The following FKBP15 variants were observed in gnomAD, a reference collection of about 807,000 sequenced individuals.
The protein encoded by FKBP15 is FKBP prolyl isomerase family member 15, also known as FK506-binding protein 15.
A neutral mutation model predicts 158.1 loss-of-function variants in FKBP15; 106 were observed. That is an observed-to-expected ratio of 0.67 (90% CI 0.57 to 0.79). FKBP15 has a LOEUF of 0.79. Ranked by LOEUF, FKBP15 falls within the 30% of genes least tolerant of loss-of-function variation. The pLI, the probability that FKBP15 is intolerant of heterozygous loss-of-function variation, is 0.00. For synonymous variants in FKBP15, 547 were observed against 548.6 expected, an observed-to-expected ratio of 1.00 and a Z score of 0.04; for missense variants, 1,287 against 1,479.1, an observed-to-expected ratio of 0.87 and a Z score of 2.13.
chr9:113,173,489 ATC>A lies in FKBP15; in HGVS notation c.2494_2495del (p.Asp832CysfsTer28). 1 of 1,613,906 alleles carries A rather than the reference ATC, an allele frequency of 6.2e-7. No homozygotes were observed. The highest frequency in any genetic ancestry group is 8.5e-7 in the Non-Finnish European group (1 of 1,179,810). On this transcript the variant is annotated frameshift_variant, in exon 23 of 28. Transcript: ENST00000238256. LOFTEE classifies it high-confidence loss of function. The stretch of plus-strand genomic sequence containing the variant: ...GTTGTACCAGCTTCTGCTGGTAGGC[ATC>A]TCTCTGTGCGCACACCTCCTGGTAC... ...QQYQEVCAQR[D>X]AYQQKLVQLQ... is the part of the protein sequence containing the mutation.
Position 113,193,695 on chromosome 9 carries a change from T to C in FKBP15, c.1008-146A>G, listed in dbSNP as rs145319808. The stretch of plus-strand genomic sequence containing the variant: ...AATTTTAACTCTTCTTTAGTTTGCA[T>C]AATCTTTGAATGCTAGTAAAGATGA... On this transcript the variant is annotated intron_variant, in intron 10 of 27. Coordinates refer to ENST00000238256, the MANE Select transcript of FKBP15 (RefSeq NM_015258.2). 1.2e-4 allele frequency: 86 copies of C among 709,104 alleles called. 2 individuals are homozygous for C. The East Asian group carries it at 2.3e-3, about 19-fold the overall frequency. 43.9% of individuals were successfully genotyped at this position (709,104 alleles called of 1,614,324 possible).
chr9:113,162,736 C>G lies in FKBP15; in HGVS notation c.*3342G>C, dbSNP rs1160899708. On this transcript the variant is annotated 3_prime_UTR_variant, in exon 28 of 28. Coordinates refer to ENST00000238256, the MANE Select transcript of FKBP15 (RefSeq NM_015258.2). ...TCATTACCAGGATTAACTTGCTTCT[C>G]CTTTTTATCTAGGTGGTATTTGTGT... 1 of 1,605,336 alleles carries G rather than the reference C, an allele frequency of 6.2e-7. No individual in the cohort carries two copies. Among genetic ancestry groups the G allele is most frequent in the East Asian group, 2.2e-5 (1 of 44,644 alleles).
chr9:113,182,811 G>A lies in FKBP15; in HGVS notation c.1869C>T (p.Ala623=), dbSNP rs1227508780. 3 of 1,613,702 alleles carry A rather than the reference G, an allele frequency of 1.9e-6. No homozygotes were observed. Reference sequence around the variant, plus strand: ...ATACTCTTGCCTGTGTGTTTTCTGTGGCTGTCTGAAGTGAGTTGTTCCTCT... The same window carrying A: ...ATACTCTTGCCTGTGTGTTTTCTGTAGCTGTCTGAAGTGAGTTGTTCCTCT... ...MEKRNNSLQT[A]TENTQARVLH... is the part of the protein sequence containing the mutation. Residue 623 remains alanine, a synonymous_variant, in exon 19 of 28, where the codon GCC becomes GCT. Coordinates refer to ENST00000238256, the MANE Select transcript of FKBP15 (RefSeq NM_015258.2).
At chr9:113,173,639 G>T in intron 22 of FKBP15, 34 bp from the exon 23 acceptor site, 1 of 1,596,732 alleles carries the variant, frequency 6.3e-7, no homozygotes, top group South Asian at 1.1e-5. Context: ...TATCATCCTT[G>T]GGGGTGGGGG....
intron 7 of FKBP15, among the ~76,000 whole-genome samples, chr9:113,199,550 T>C (rs774186068): frequency 2.0e-5 from 3 of 152,168 alleles, no homozygotes; most frequent in African/African-American, 4.8e-5. Context: ...GGACAAGACA[T>C]ACACATGAAC....
chr9:113,221,090 C>G, intron 1 of FKBP15, 101 bp downstream of exon 1: 2 of 1,309,382 alleles, frequency 1.5e-6, no homozygotes, highest in Admixed American at 2.3e-5. Flanking sequence ...GGGTCTCCCC[C>G]CGGAAGTTGG....
intron 4 of FKBP15, among the ~76,000 whole-genome samples, chr9:113,204,845 T>C (rs1195866301): frequency 6.6e-6 from 1 of 152,254 alleles, no homozygotes; most frequent in Non-Finnish European, 1.5e-5. Flanking sequence ...TTTTAAATTC[T>C]CCATCTTTTC....
At chr9:113,173,349 T>C in intron 23 of FKBP15, 104 bp downstream of exon 23, 2 of 1,203,224 alleles carry the variant, frequency 1.7e-6, no homozygotes, top group Non-Finnish European at 2.3e-6. Flanking sequence ...GTCTTCTAGA[T>C]ATTAATAACT....
intron 9 of FKBP15, among the ~76,000 whole-genome samples, chr9:113,194,646 G>C (rs1162179768): frequency 1.3e-5 from 2 of 152,114 alleles, no homozygotes; most frequent in African/African-American, 4.8e-5. Flanking sequence ...ATCTGTGTCT[G>C]TATATACCTT....
rs1372501190 is a variant in FKBP15 at position 113,178,205 on chromosome 9, G to A, written c.2086+425C>T. Among the ~76,000 whole-genome samples the A allele has an allele frequency of 3.9e-5, 6 of 152,168 alleles. No homozygotes were observed. In the East Asian group the frequency reaches 9.7e-4, roughly 25 times the overall value. On this transcript the variant is annotated intron_variant, in intron 20 of 27. Transcript: ENST00000238256. ...GCCAGGATGAACTGGACAATATAAC[G>A]GGAGACAAGCCAAGCAGGATGGGCC...
intron 21 of FKBP15, among the ~76,000 whole-genome samples, chr9:113,175,331 C>A (rs1414751290): frequency 1.3e-5 from 2 of 151,810 alleles, no homozygotes; most frequent in African/African-American, 2.4e-5. Flanking sequence ...ATAGTAATGA[C>A]AAACTGAAAA....
intron 4 of FKBP15, among the ~76,000 whole-genome samples, chr9:113,205,324 G>A (rs941844108): frequency 6.6e-6 from 1 of 152,070 alleles, no homozygotes; most frequent in African/African-American, 2.4e-5. Flanking sequence ...ACAACAAAAA[G>A]ACAAACAATC....
rs368555848 is a variant in FKBP15, at chr9:113,173,500, C to T, written c.2485G>A (p.Ala829Thr). The change falls in exon 23 of 28, where the codon GCA (alanine) becomes ACA (threonine). Residue 829 changes from alanine to threonine, a missense_variant. Ala to Thr is a moderately conservative substitution (Grantham distance 58, BLOSUM62 0). Coordinates refer to ENST00000238256, the MANE Select transcript of FKBP15 (RefSeq NM_015258.2). ...EHLQQYQEVC[A>T]QRDAYQQKLV... is the part of the protein sequence containing the mutation. ...TTCTGCTGGTAGGCATCTCTCTGTGCGCACACCTCCTGGTACTGCTGCAGG... is the reference window on the plus strand; with the variant it reads ...TTCTGCTGGTAGGCATCTCTCTGTGTGCACACCTCCTGGTACTGCTGCAGG... The T allele has an allele frequency of 1.1e-5, 17 of 1,613,872 alleles. No homozygotes were observed. Among genetic ancestry groups the T allele is most frequent in the Admixed American group, 5.0e-5 (3 of 60,006 alleles).
chr9:113,211,165 GT>G (rs1350031772), intron 2 of FKBP15, among the ~76,000 whole-genome samples: 1 of 152,008 alleles, frequency 6.6e-6, no homozygotes, highest in African/African-American at 2.4e-5. Context: ...TTTTTATTTT[GT>G]TTCAGTTTTG....
Position 113,178,614 on chromosome 9 carries a change from CCCACCTA to C in FKBP15, c.2086+9_2086+15del, listed in dbSNP as rs1312249631. 1 of 1,581,470 alleles carries C rather than the reference CCCACCTA, an allele frequency of 6.3e-7. No homozygotes were observed. Among genetic ancestry groups the C allele is most frequent in the Non-Finnish European group, 8.6e-7 (1 of 1,164,144 alleles). On this transcript the variant is annotated intron_variant, in intron 20 of 27. Transcript: ENST00000238256. ...TTAAATGGCAACAATCCCAGCATCC[CCCACCTA>C]GCACATACCTGAGAGCTTTGCCTGC... is the stretch of plus-strand genomic sequence containing the variant.
At chr9:113,180,507 A>ACAGTGGAGGGGATGGCT (rs71384298) in intron 19 of FKBP15, among the ~76,000 whole-genome samples, 1 of 151,196 alleles carries the variant, frequency 6.6e-6, no homozygotes. Context: ...AAAAATCTAC[A>ACAGTGGAGGGGATGGCT]CCCTGGTTCC....
chr9:113,202,489 C>G lies in FKBP15; in HGVS notation c.498+42G>C, dbSNP rs1349194144. 5.8e-6 allele frequency: 8 copies of G among 1,382,860 alleles called. No individual in the cohort carries two copies. In the South Asian group the frequency reaches 1.0e-4, roughly 18 times the overall value. 85.7% of individuals were successfully genotyped at this position (1,382,860 alleles called of 1,614,324 possible). A position where few individuals can be genotyped will look rare whatever the true frequency, so the allele number is the denominator to read the frequency against. On this transcript the variant is annotated intron_variant, in intron 6 of 27. Coordinates refer to ENST00000238256, the MANE Select transcript of FKBP15 (RefSeq NM_015258.2). ...TCCCTAAAATTAAGGGAAATCCAAA[C>G]AAGTATTTTGGCTTTTCACAGGGAG...
At chr9:113,207,106 G>C in intron 3 of FKBP15, 106 bp downstream of exon 3, 5 of 827,320 alleles carry the variant, frequency 6.0e-6, no homozygotes, top group Non-Finnish European at 1.0e-5. Flanking sequence ...GTCCGTGGAA[G>C]GGCTAAATAA....
At chr9:113,189,830 TA>T (rs1844538412) in intron 12 of FKBP15, among the ~76,000 whole-genome samples, 1 of 152,200 alleles carries the variant, frequency 6.6e-6, no homozygotes. Flanking sequence ...AGTTACTTTA[TA>T]GCATACACCA....
Sources: gnomAD v4.1 joint callset for allele counts (sites outside exome capture counted in the v4.1 genomes callset) on GRCh38, gnomAD v4.1.1 for gene constraint, MANE v1.5 for transcripts, NCBI Gene and HGNC (gene_info 2026-07-23, HGNC 2026-07-21) for gene names.